Variants in MADD observed in about 807,000 individuals in gnomAD.
MADD encodes the protein MAP kinase-activating death domain protein.
In MADD, 109 loss-of-function variants were observed where a neutral mutation model predicts 176.7. The ratio of observed to expected loss-of-function variants is 0.62; its 90% CI spans 0.53 to 0.72. MADD has a LOEUF of 0.72. MADD is among the 30% of genes least tolerant of loss of function. MADD has a pLI of 0.00. For missense variants in MADD, 1,914 were observed against 2,045.5 expected, an observed-to-expected ratio of 0.94 and a Z score of 1.24; for synonymous variants, 771 against 771.3, an observed-to-expected ratio of 1.00 and a Z score of 0.01.
At chr11:47,275,917 C>T (rs758468455) in exon 4 of MADD, 26 of 1,609,838 alleles carry the variant, frequency 1.6e-5, no homozygotes, top group Middle Eastern at 1.6e-4. Flanking sequence ...TGTGGCGGAT[C>T]TTTACTGGAT....
exon 3 of MADD, chr11:47,274,972 C>T (rs371212954): frequency 3.0e-5 from 49 of 1,614,026 alleles, no homozygotes; most frequent in African/African-American, 2.7e-5. Context: ...CCAGTCTCCT[C>T]GGGGCAAACG....
At chr11:47,290,325 A>C in intron 18 of MADD, 26 bp downstream of exon 19, 3 of 1,608,078 alleles carry the variant, frequency 1.9e-6, no homozygotes, top group Non-Finnish European at 2.6e-6. Context: ...GCTGGGCACC[A>C]CGCCATCCCT....
intron 15 of MADD, among the ~76,000 whole-genome samples, chr11:47,288,597 T>C (rs1047612279): frequency 7.2e-5 from 11 of 152,108 alleles, no homozygotes; most frequent in Non-Finnish European, 1.3e-4. Flanking sequence ...CTGACCCCAC[T>C]CCCCACAACA....
chr11:47,295,086 C>G (rs1411541722), intron 20 of MADD, among the ~76,000 whole-genome samples: 2 of 151,688 alleles, frequency 1.3e-5, no homozygotes, highest in African/African-American at 4.8e-5. Flanking sequence ...TCTCTGCTCA[C>G]TGCAGCCTCA....
intron 27 of MADD, among the ~76,000 whole-genome samples, chr11:47,319,896 G>A (rs1249300841): frequency 6.6e-6 from 1 of 151,088 alleles, no homozygotes; most frequent in Non-Finnish European, 1.5e-5. Flanking sequence ...GGAGGCTGAG[G>A]CAGGAGAATC....
chr11:47,319,436 G>T (rs1365157526), intron 27 of MADD, among the ~76,000 whole-genome samples: 1 of 152,058 alleles, frequency 6.6e-6, no homozygotes, highest in East Asian at 1.9e-4. Flanking sequence ...CCCAGCCAAA[G>T]ATTTTTAAAA....
exon 22 of MADD, chr11:47,295,902 T>C: frequency 6.2e-7 from 1 of 1,612,562 alleles, no homozygotes; most frequent in Non-Finnish European, 8.5e-7. Context: ...TCCAGGTGAG[T>C]AATAGCTCTG....
chr11:47,272,623 A>G (rs1266770578), intron 1 of MADD, among the ~76,000 whole-genome samples: 2 of 152,226 alleles, frequency 1.3e-5, no homozygotes. Flanking sequence ...CCTACCAGAA[A>G]TAGCTGTGCA....
intron 22 of MADD, 122 bp downstream of exon 24, chr11:47,296,177 T>G: frequency 1.7e-6 from 2 of 1,183,776 alleles, no homozygotes; most frequent in Non-Finnish European, 2.4e-6. Context: ...GAGGTAATCT[T>G]CTTATATTTG....
intron 22 of MADD, among the ~76,000 whole-genome samples, chr11:47,302,459 G>A (rs576297965): frequency 9.2e-5 from 14 of 152,250 alleles, no homozygotes; most frequent in Middle Eastern, 3.4e-3. Context: ...TGATCTGCCC[G>A]CTTCGGCCTC....
At chr11:47,280,534 A>G (rs2055469546) in intron 7 of MADD, among the ~76,000 whole-genome samples, 1 of 152,106 alleles carries the variant, frequency 6.6e-6, no homozygotes, top group Non-Finnish European at 1.5e-5. Flanking sequence ...AGGTTAATAA[A>G]TGGAATTATA....
exon 3 of MADD, chr11:47,275,119 C>T: frequency 6.2e-7 from 1 of 1,614,138 alleles, no homozygotes; most frequent in South Asian, 1.1e-5. Context: ...TAGTGAGCGC[C>T]TTCTGGGCAA....
chr11:47,270,087 C>G (rs1465195114), upstream of MADD: 2 of 151,968 alleles, frequency 1.3e-5, no homozygotes, highest in Non-Finnish European at 2.9e-5. Flanking sequence ...ACGGCCCCGG[C>G]CCCGGCCTCC....
exon 17 of MADD, chr11:47,290,039 A>G: frequency 6.2e-7 from 1 of 1,614,168 alleles, no homozygotes; most frequent in Non-Finnish European, 8.5e-7. Context: ...CCGGCAGGAC[A>G]TCATCCCGGA....
chr11:47,329,134 G>C (rs778945803), exon 33 of MADD: 2 of 1,613,826 alleles, frequency 1.2e-6, no homozygotes, highest in Non-Finnish European at 1.7e-6. Context: ...ACCCCGCCCC[G>C]GCCTGTCTCT....
rs748031024 is a variant in MADD, at chr11:47,324,256, G to T, written c.4363-9G>T. 1.9e-6 allele frequency: 3 copies of T among 1,613,630 alleles called. No homozygotes were observed. The East Asian group carries it at 6.7e-5, about 36-fold the overall frequency. ...CTCATGATGGGACCACTCTCCCCCT[G>T]TGCCACAGTGTCGGGAGCTGTACTA... On this transcript the variant is annotated splice_polypyrimidine_tract_variant and intron_variant, in intron 28 of 32. Transcript: ENST00000402192.
chr11:47,305,534 T>C (rs192689526), intron 22 of MADD, among the ~76,000 whole-genome samples: 1 of 152,136 alleles, frequency 6.6e-6, no homozygotes, highest in Non-Finnish European at 1.5e-5. Context: ...TCTGAGCCAA[T>C]AGGGCTCAGT....
chr11:47,329,096 A>G, exon 33 of MADD: 2 of 1,614,170 alleles, frequency 1.2e-6, no homozygotes, highest in East Asian at 2.2e-5. Flanking sequence ...ACGTGGCTGC[A>G]GTTCATAGCA....
intron 1 of MADD, among the ~76,000 whole-genome samples, chr11:47,272,673 T>G (rs2045803391): frequency 6.6e-6 from 1 of 152,242 alleles, no homozygotes; most frequent in African/African-American, 2.4e-5. Flanking sequence ...GTATAGACAC[T>G]TAACACGAAA....
Sources: gnomAD v4.1 joint callset for allele counts (sites outside exome capture counted in the v4.1 genomes callset) on GRCh38, gnomAD v4.1.1 for gene constraint, MANE v1.5 for transcripts, NCBI Gene and HGNC (gene_info 2026-07-23, HGNC 2026-07-21) for gene names.